Variants in SLC36A1 observed in about 807,000 individuals in gnomAD.
SLC36A1 encodes the protein proton-coupled amino acid transporter 1.
SLC36A1 carries 30 observed loss-of-function variants against 47.5 expected under a neutral mutation model. That is an observed-to-expected ratio of 0.63 (90% CI 0.47 to 0.86). The LOEUF is 0.86. SLC36A1 is among the 40% of genes least tolerant of loss of function. The pLI is 0.00. For synonymous variants in SLC36A1, 255 were observed against 249.7 expected (o/e 1.02, Z -0.20); for missense variants, 517 against 606.0 (o/e 0.85, Z 1.54).
At chr5:151,513,529 T>A in the SLC36A1 span, among the ~76,000 whole-genome samples, 12 of 152,194 alleles carry the variant, frequency 7.9e-5, no homozygotes, top group African/African-American at 2.6e-4. Context: ...CACTTACAAG[T>A]GGGAACTAAA....
the SLC36A1 span, among the ~76,000 whole-genome samples, chr5:151,428,038 C>T: frequency 1.3e-5 from 2 of 152,136 alleles, no homozygotes; most frequent in Non-Finnish European, 2.9e-5. Context: ...ACCCCGGTCC[C>T]CCAGGGACTC....
chr5:151,494,293 T>TA (rs934938487), downstream of SLC36A1, among the ~76,000 whole-genome samples: 14 of 152,062 alleles, frequency 9.2e-5, no homozygotes, highest in East Asian at 3.9e-4. Context: ...TCTCCTTTTT[T>TA]AAAAAAAATG....
At chr5:151,410,726 G>A in the SLC36A1 span, among the ~76,000 whole-genome samples, 1 of 144,206 alleles carries the variant, frequency 6.9e-6, no homozygotes, top group East Asian at 2.3e-4. Context: ...GTTTTTGCAG[G>A]AGGAGAAATT....
chr5:151,457,855 T>TTTG (rs1402727987), intron 1 of SLC36A1, among the ~76,000 whole-genome samples: 3 of 48,382 alleles, frequency 6.2e-5, no homozygotes, highest in African/African-American at 1.0e-4. Context: ...TGTTTGTTTG[T>TTTG]TTTTTTTTTT....
the SLC36A1 span, among the ~76,000 whole-genome samples, chr5:151,408,598 A>C: frequency 2.6e-5 from 4 of 152,240 alleles, no homozygotes; most frequent in Non-Finnish European, 5.9e-5. Context: ...CGTAATTAAG[A>C]AAACAAACAT....
the SLC36A1 span, among the ~76,000 whole-genome samples, chr5:151,347,945 TG>T: frequency 2.0e-5 from 3 of 152,140 alleles, no homozygotes; most frequent in Non-Finnish European, 4.4e-5. Flanking sequence ...TAGCCCAATT[TG>T]TCAAGGTTTT....
chr5:151,349,348 C>A, the SLC36A1 span, among the ~76,000 whole-genome samples: 1 of 152,052 alleles, frequency 6.6e-6, no homozygotes, highest in Non-Finnish European at 1.5e-5. Context: ...CTCCACACCC[C>A]AACTCATTGC....
At chr5:151,533,730 T>C in the SLC36A1 span, among the ~76,000 whole-genome samples, 57 of 152,030 alleles carry the variant, frequency 3.7e-4, no homozygotes, top group Non-Finnish European at 6.9e-4. Flanking sequence ...CATATATATA[T>C]ACATACACAC....
the SLC36A1 span, among the ~76,000 whole-genome samples, chr5:151,520,285 C>A: frequency 6.6e-6 from 1 of 152,220 alleles, no homozygotes; most frequent in Non-Finnish European, 1.5e-5. Context: ...GCCTTAATGC[C>A]AGGGATGCTG....
the SLC36A1 span, among the ~76,000 whole-genome samples, chr5:151,516,547 C>T: frequency 1.3e-5 from 2 of 152,128 alleles, no homozygotes; most frequent in South Asian, 2.1e-4. Flanking sequence ...TGCAACTCTC[C>T]TCACCCCTGA....
the SLC36A1 span, chr5:151,517,692 A>G: frequency 9.3e-6 from 15 of 1,614,204 alleles, no homozygotes; most frequent in Middle Eastern, 1.6e-4. Flanking sequence ...TCAGATAGAA[A>G]TGGATGTGCC....
the SLC36A1 span, chr5:151,542,613 T>C: frequency 1.2e-6 from 2 of 1,614,204 alleles, no homozygotes; most frequent in Non-Finnish European, 1.7e-6. Flanking sequence ...TACCAGGGTC[T>C]GCAGACAGCC....
chr5:151,388,715 A>G, the SLC36A1 span, among the ~76,000 whole-genome samples: 1 of 152,084 alleles, frequency 6.6e-6, no homozygotes, highest in Non-Finnish European at 1.5e-5. Context: ...TCCTAATTGA[A>G]TTCACGTGAG....
At chr5:151,549,567 G>A in the SLC36A1 span, 1 of 1,468,744 alleles carries the variant, frequency 6.8e-7, no homozygotes, top group Non-Finnish European at 9.5e-7. Flanking sequence ...GCAGGGTTAG[G>A]GTAAGGTTAA....
chr5:151,464,380 G>T, intron 3 of SLC36A1, 134 bp from the exon 4 acceptor site: 3 of 698,038 alleles, frequency 4.3e-6, no homozygotes, highest in Non-Finnish European at 7.6e-6. Flanking sequence ...TCTCTCTAAT[G>T]CTGGGCCCAA....
the SLC36A1 span, among the ~76,000 whole-genome samples, chr5:151,530,409 G>A: frequency 6.6e-6 from 1 of 152,102 alleles, no homozygotes; most frequent in Non-Finnish European, 1.5e-5. Context: ...AAGGACCTGA[G>A]GGATATGCTA....
upstream of SLC36A1, among the ~76,000 whole-genome samples, chr5:151,434,619 A>G (rs994523182): frequency 1.3e-5 from 2 of 152,316 alleles, no homozygotes; most frequent in East Asian, 3.9e-4. Context: ...TACATCTGTC[A>G]TGGACTGTGT....
At chr5:151,509,440 C>T in the SLC36A1 span, 40 of 152,886 alleles carry the variant, frequency 2.6e-4, no homozygotes, top group African/African-American at 9.4e-4. Flanking sequence ...TGTTAGGAGC[C>T]GAGCTGCACA....
chr5:151,443,008 T>C (rs1038888588), upstream of SLC36A1, among the ~76,000 whole-genome samples: 8 of 152,216 alleles, frequency 5.3e-5, no homozygotes, highest in African/African-American at 1.9e-4. Flanking sequence ...TGTTTGTATA[T>C]ATACCACAGT....
Sources: gnomAD v4.1 joint callset for allele counts (sites outside exome capture counted in the v4.1 genomes callset) on GRCh38, gnomAD v4.1.1 for gene constraint, MANE v1.5 for transcripts, NCBI Gene and HGNC (gene_info 2026-07-23, HGNC 2026-07-21) for gene names.